CNTNAP4: variants seen among roughly 807,000 people sequenced by gnomAD.
CNTNAP4 encodes contactin-associated protein-like 4.
A neutral mutation model predicts 148.4 loss-of-function variants in CNTNAP4; 98 were observed. That is an observed-to-expected ratio of 0.66 (90% CI 0.56 to 0.78). CNTNAP4 has a LOEUF of 0.78. CNTNAP4 is among the 30% of genes least tolerant of loss of function. CNTNAP4 has a pLI of 0.00. For missense variants in CNTNAP4, 1,935 were observed against 1,565.6 expected (o/e 1.24, Z -3.98); for synonymous variants, 730 against 565.1 (o/e 1.29, Z -4.14).
At chr16:76,515,550 T>C (rs2083213570) in intron 15 of CNTNAP4, among the ~76,000 whole-genome samples, 1 of 152,176 alleles carries the variant, frequency 6.6e-6, no homozygotes, top group South Asian at 2.1e-4. Context: ...CACCTTGATC[T>C]TTGACTTTTA....
intron 17 of CNTNAP4, among the ~76,000 whole-genome samples, chr16:76,525,043 G>A (rs1306349639): frequency 6.6e-6 from 1 of 151,996 alleles, no homozygotes; most frequent in East Asian, 1.9e-4. Flanking sequence ...GAGGGGCTTG[G>A]GTTTATCTTC....
chr16:76,403,381 C>G (rs558982793), intron 3 of CNTNAP4, among the ~76,000 whole-genome samples: 52 of 152,298 alleles, frequency 3.4e-4, no homozygotes, highest in African/African-American at 1.1e-3. Flanking sequence ...GCTTGAGCCA[C>G]TGCGCCCAGC....
In CNTNAP4 at chr16:76,427,368, A is replaced by G. The variant is rs755674452; in HGVS notation, c.391-84A>G. On this transcript the variant is annotated intron_variant, in intron 3 of 23. Coordinates refer to ENST00000611870, the MANE Select transcript of CNTNAP4 (RefSeq NM_033401.5). ...CCATTCATAGTAAAATGCAGATCAC[A>G]CATTGCTAATAGACATTATAGGTGA... 312 of 1,142,844 alleles carry G rather than the reference A, an allele frequency of 2.7e-4. 1 individual carries two copies. Among genetic ancestry groups the G allele is most frequent in the Non-Finnish European group, 3.2e-4 (262 of 810,920 alleles). The allele number at this position is 1,142,844 out of a possible 1,614,324, so 70.8% of individuals were successfully genotyped here. A position where few individuals can be genotyped will look rare whatever the true frequency, so the allele number is the denominator to read the frequency against.
chr16:76,527,663 A>G (rs927285978), intron 17 of CNTNAP4, among the ~76,000 whole-genome samples: 1 of 152,348 alleles, frequency 6.6e-6, no homozygotes, highest in South Asian at 2.1e-4. Flanking sequence ...ACAAGTTTAG[A>G]GATTAAACAT....
At chr16:76,425,203 C>T (rs74026777) in intron 3 of CNTNAP4, among the ~76,000 whole-genome samples, 1 of 152,064 alleles carries the variant, frequency 6.6e-6, no homozygotes. Flanking sequence ...ACAGCAGCAA[C>T]AATAGCAAAA....
chr16:76,421,553 T>C (rs1397519396), intron 3 of CNTNAP4, among the ~76,000 whole-genome samples: 4 of 152,124 alleles, frequency 2.6e-5, no homozygotes, highest in Non-Finnish European at 5.9e-5. Context: ...TCTGTTTGCT[T>C]TTATTATATA....
At chr16:76,293,314 G>A (rs752311653) in intron 1 of CNTNAP4, among the ~76,000 whole-genome samples, 2 of 151,934 alleles carry the variant, frequency 1.3e-5, no homozygotes, top group South Asian at 2.1e-4. Flanking sequence ...TAGTAGAGAC[G>A]GGGTTTCACC....
rs2082352981 is a variant in CNTNAP4 at position 76,495,007 on chromosome 16, A to G, written c.2178A>G (p.Leu726=). 1 of 1,613,664 alleles carries G rather than the reference A, an allele frequency of 6.2e-7. No individual in the cohort carries two copies. The highest frequency in any genetic ancestry group is 1.7e-5 in the Admixed American group (1 of 60,006). ...SPDLQKCTCG[L]EGNCIDSQYY... The stretch of plus-strand genomic sequence containing the variant: ...ATCTTCAAAAATGTACTTGTGGATT[A>G]GAGGGAAACTGCATTGATTCTCAGT... The change falls in exon 14 of 24, where the codon TTA becomes TTG. Residue 726 remains leucine (L), a synonymous_variant. Transcript: ENST00000611870.
At chr16:76,548,685 T>C (rs1471223926) in intron 21 of CNTNAP4, among the ~76,000 whole-genome samples, 1 of 151,962 alleles carries the variant, frequency 6.6e-6, no homozygotes, top group Non-Finnish European at 1.5e-5. Flanking sequence ...TCCGAGTCAG[T>C]TAAGGATTAT....
At chr16:76,419,244 G>C (rs750431700) in intron 3 of CNTNAP4, among the ~76,000 whole-genome samples, 1 of 151,650 alleles carries the variant, frequency 6.6e-6, no homozygotes, top group East Asian at 1.9e-4. Flanking sequence ...TTTTCCTTAG[G>C]TAAGACAGGA....
intron 3 of CNTNAP4, among the ~76,000 whole-genome samples, chr16:76,410,681 C>G (rs992258246): frequency 2.6e-5 from 4 of 151,658 alleles, no homozygotes; most frequent in Non-Finnish European, 4.4e-5. Context: ...TTGACTTTCT[C>G]TATAATGAAA....
intron 7 of CNTNAP4, among the ~76,000 whole-genome samples, chr16:76,450,694 G>C (rs1215066809): frequency 1.3e-5 from 2 of 152,144 alleles, no homozygotes; most frequent in Non-Finnish European, 2.9e-5. Flanking sequence ...TTACAATATT[G>C]CATCGGCCAA....
At chr16:76,376,612 A>G (rs1479126296) in intron 3 of CNTNAP4, among the ~76,000 whole-genome samples, 2 of 152,202 alleles carry the variant, frequency 1.3e-5, no homozygotes, top group African/African-American at 4.8e-5. Flanking sequence ...AGCGTTGGCC[A>G]AAGGGCATGA....
intron 2 of CNTNAP4, 31 bp from the exon 3 acceptor site, chr16:76,355,287 A>G (rs1411646790): frequency 2.8e-5 from 41 of 1,468,200 alleles, no homozygotes; most frequent in Non-Finnish European, 3.7e-5. Flanking sequence ...TTCCTTTCTC[A>G]ATTTTCTCCT....
intron 15 of CNTNAP4, among the ~76,000 whole-genome samples, chr16:76,510,959 C>T (rs552622092): frequency 2.0e-5 from 3 of 152,106 alleles, no homozygotes; most frequent in Admixed American, 2.0e-4. Context: ...CTCGAAGGAA[C>T]AATTATCCTT....
intron 8 of CNTNAP4, among the ~76,000 whole-genome samples, chr16:76,455,491 T>A (rs2080692374): frequency 6.6e-6 from 1 of 152,198 alleles, no homozygotes; most frequent in Non-Finnish European, 1.5e-5. Flanking sequence ...TCAATCCACC[T>A]TCCTCCCTTT....
At chr16:76,310,252 A>T (rs891396869) in intron 1 of CNTNAP4, among the ~76,000 whole-genome samples, 1 of 152,186 alleles carries the variant, frequency 6.6e-6, no homozygotes, top group Non-Finnish European at 1.5e-5. Context: ...AATGAACCTG[A>T]AATTTGTAGC....
chr16:76,499,254 G>A (rs1179807081), intron 15 of CNTNAP4, among the ~76,000 whole-genome samples: 1 of 151,636 alleles, frequency 6.6e-6, no homozygotes, highest in African/African-American at 2.4e-5. Flanking sequence ...ATGACCCTTG[G>A]AATAATCTTC....
At chr16:76,357,991 G>A (rs1479649180) in intron 3 of CNTNAP4, among the ~76,000 whole-genome samples, 1 of 152,110 alleles carries the variant, frequency 6.6e-6, no homozygotes, top group East Asian at 1.9e-4. Flanking sequence ...CTGCTAATCT[G>A]TGCCTATCTT....
Sources: gnomAD v4.1 joint callset for allele counts (sites outside exome capture counted in the v4.1 genomes callset) on GRCh38, gnomAD v4.1.1 for gene constraint, MANE v1.5 for transcripts, NCBI Gene and HGNC (gene_info 2026-07-23, HGNC 2026-07-21) for gene names.